Variants in PREPL observed in about 807,000 individuals in gnomAD.
PREPL encodes the protein prolyl endopeptidase-like.
A neutral mutation model predicts 70.6 loss-of-function variants in PREPL; 77 were observed. The ratio of observed to expected loss-of-function variants is 1.09; its 90% CI spans 0.91 to 1.32. The LOEUF (loss-of-function observed/expected upper bound fraction) is 1.32. Ranked by LOEUF, PREPL falls within the 40% of genes most tolerant of loss-of-function variation. The pLI is 0.00. For synonymous variants in PREPL, 315 were observed against 264.8 expected, an observed-to-expected ratio of 1.19 and a Z score of -1.84; for missense variants, 1,002 against 778.2, an observed-to-expected ratio of 1.29 and a Z score of -3.42.
At chr2:44,342,629 T>C in intron 4 of PREPL, 77 bp from the exon 5 acceptor site, 3 of 1,133,080 alleles carry the variant, frequency 2.6e-6, no homozygotes, top group Non-Finnish European at 3.8e-6. Context: ...CAGCACATTC[T>C]AATTTTGAAT....
At chr2:44,350,246 A>C (rs969404357) in intron 1 of PREPL, among the ~76,000 whole-genome samples, 2 of 152,176 alleles carry the variant, frequency 1.3e-5, no homozygotes, top group African/African-American at 2.4e-5. Flanking sequence ...ATTAAACTTA[A>C]TGTGACCAAG....
At chr2:44,329,211 G>T (rs879156863) in intron 8 of PREPL, 99 bp from the exon 9 acceptor site, 2 of 943,398 alleles carry the variant, frequency 2.1e-6, no homozygotes, top group Non-Finnish European at 1.6e-6. Context: ...CCCCACTTGT[G>T]TGCTACCTAC....
intron 1 of PREPL, among the ~76,000 whole-genome samples, chr2:44,348,870 G>A (rs1676103172): frequency 6.6e-6 from 1 of 152,162 alleles, no homozygotes; most frequent in Non-Finnish European, 1.5e-5. Flanking sequence ...TACCTGCTCA[G>A]TGTTTTAAGC....
In PREPL at chr2:44,319,493, C is replaced by T. The variant is rs1672739197; in HGVS notation, c.*1863G>A. The T allele has an allele frequency of 6.6e-6, 1 of 152,120 alleles. No homozygotes were observed. The highest frequency in any genetic ancestry group is 1.5e-5 in the Non-Finnish European group (1 of 68,020). 9.4% of individuals were successfully genotyped at this position (152,120 alleles called of 1,614,324 possible). A position where few individuals can be genotyped will look rare whatever the true frequency, so the allele number is the denominator to read the frequency against. On this transcript the variant is annotated 3_prime_UTR_variant, in exon 14 of 14. Transcript: ENST00000409411. ...TTCAACAGAATATTGTCATTAAAAACATTTATGGAGGCTATATTATATAGT... is the reference window on the plus strand; with the variant it reads ...TTCAACAGAATATTGTCATTAAAAATATTTATGGAGGCTATATTATATAGT...
chr2:44,333,801 C>G (rs981357434), intron 7 of PREPL, among the ~76,000 whole-genome samples: 1 of 152,036 alleles, frequency 6.6e-6, no homozygotes, highest in Admixed American at 6.5e-5. Flanking sequence ...AATCTGGTAG[C>G]ATAGTTATAA....
rs1380995028 is a variant in PREPL, at chr2:44,317,640, AG to A, written c.*3715del. 1.3e-5 allele frequency: 2 copies of A among 152,512 alleles called. No individual in the cohort carries two copies. Among genetic ancestry groups the A allele is most frequent in the Non-Finnish European group, 2.9e-5 (2 of 68,308 alleles). 9.4% of individuals were successfully genotyped at this position (152,512 alleles called of 1,614,324 possible). On this transcript the variant is annotated 3_prime_UTR_variant, in exon 14 of 14. Transcript: ENST00000409411. ...TGGTCATAATTTTAATGGTAAAATT[AG>A]GACATAAAAATAATTTTCAAAGAAT...
At chr2:44,326,603 G>A (rs1673524100) in intron 10 of PREPL, 109 bp downstream of exon 10, 3 of 1,149,780 alleles carry the variant, frequency 2.6e-6, no homozygotes, top group African/African-American at 1.5e-5. Context: ...CCGAAGTGCT[G>A]GGATTACAGG....
At chr2:44,338,614 A>T in intron 6 of PREPL, 78 bp from the exon 7 acceptor site, 1 of 1,089,784 alleles carries the variant, frequency 9.2e-7, no homozygotes, top group Non-Finnish European at 1.3e-6. Flanking sequence ...ATCACTGAGA[A>T]CTAGACCATA....
chr2:44,356,051 A>G (rs1677008358), intron 1 of PREPL, among the ~76,000 whole-genome samples: 1 of 152,168 alleles, frequency 6.6e-6, no homozygotes, highest in Admixed American at 6.5e-5. Context: ...TGTAAGTATA[A>G]TAGAGTAAGT....
chr2:44,327,858 A>C (rs1194631699), intron 9 of PREPL, among the ~76,000 whole-genome samples: 1 of 151,624 alleles, frequency 6.6e-6, no homozygotes, highest in Non-Finnish European at 1.5e-5. Flanking sequence ...GTGAGACTCC[A>C]TCTCAAAAAA....
intron 2 of PREPL, among the ~76,000 whole-genome samples, 165 bp downstream of exon 2, chr2:44,346,103 G>C (rs1675787057): frequency 6.6e-6 from 1 of 152,000 alleles, no homozygotes; most frequent in Admixed American, 6.5e-5. Flanking sequence ...CACATTCTGT[G>C]ATCACAATCT....
chr2:44,357,246 T>C (rs920945962), intron 1 of PREPL, among the ~76,000 whole-genome samples: 2 of 152,240 alleles, frequency 1.3e-5, no homozygotes, highest in Non-Finnish European at 2.9e-5. Flanking sequence ...ATATAGGTAA[T>C]AGCTCTTTAA....
rs748410951 is a variant in PREPL, at chr2:44,338,390, A to T, written c.849T>A (p.Asn283Lys). The T allele has an allele frequency of 1.2e-6, 2 of 1,613,298 alleles. No homozygotes were observed. The highest frequency in any genetic ancestry group is 1.7e-5 in the Admixed American group (1 of 59,906). Residue 283 changes from asparagine to lysine, a missense_variant, in exon 7 of 14, where the codon AAT (asparagine) becomes AAA (lysine). Physicochemically the swap from Asn to Lys is moderately conservative, Grantham distance 94. Transcript: ENST00000409411. Reference protein sequence around the residue: ...FLKHSNLLYVNVIGLADDSVR... With the variant: ...FLKHSNLLYVKVIGLADDSVR... ...CTGAATCATCAGCCAGACCAATCAC[A>T]TTAACATAAAGGAGATTGCTGTGCT...
chr2:44,338,896 G>A (rs1674920936), intron 6 of PREPL, among the ~76,000 whole-genome samples: 1 of 152,180 alleles, frequency 6.6e-6, no homozygotes, highest in Non-Finnish European at 1.5e-5. Flanking sequence ...TTGTAAGTTT[G>A]CTCTTTTAAG....
chr2:44,322,123 A>G (rs1248409369), intron 12 of PREPL, among the ~76,000 whole-genome samples: 1 of 152,144 alleles, frequency 6.6e-6, no homozygotes, highest in Non-Finnish European at 1.5e-5. Flanking sequence ...AAAAGACTAT[A>G]TGGTGCCACA....
chr2:44,359,592 TTATTC>T (rs1677440451), intron 1 of PREPL: 1 of 1,612,136 alleles, frequency 6.2e-7, no homozygotes. Flanking sequence ...TTTTTCAATT[TTATTC>T]TATTGTAACA....
chr2:44,319,020 G>C lies in PREPL; in HGVS notation c.*2336C>G, dbSNP rs2103622727. On this transcript the variant is annotated 3_prime_UTR_variant, in exon 14 of 14. Coordinates refer to ENST00000409411, the MANE Select transcript of PREPL (RefSeq NM_001171613.2). ...CTAACACTTACCGGGCACTTCTTAT[G>C]TGAGTGGCACTGAAACATGTGCTTT... 1 of 152,210 alleles carries C rather than the reference G, an allele frequency of 6.6e-6. No individual in the cohort carries two copies. The highest frequency in any genetic ancestry group is 1.9e-4 in the East Asian group (1 of 5,204). 9.4% of individuals were successfully genotyped at this position (152,210 alleles called of 1,614,324 possible).
chr2:44,334,195 G>A (rs76486835), intron 7 of PREPL, among the ~76,000 whole-genome samples: 1,912 of 152,298 alleles, frequency 0.013, 37 homozygotes, highest in African/African-American at 0.043. Context: ...CAGTGTATCT[G>A]TGTATATTAA....
chr2:44,336,536 A>G (rs77600523), intron 7 of PREPL, among the ~76,000 whole-genome samples: 1,976 of 152,182 alleles, frequency 0.013, 22 homozygotes, highest in Non-Finnish European at 0.016. Context: ...GGCCTACCTG[A>G]GGGTTGAAGG....
Sources: gnomAD v4.1 joint callset for allele counts (sites outside exome capture counted in the v4.1 genomes callset) on GRCh38, gnomAD v4.1.1 for gene constraint, MANE v1.5 for transcripts, NCBI Gene and HGNC (gene_info 2026-07-23, HGNC 2026-07-21) for gene names.